The following CHN1 variants were observed in gnomAD, a reference collection of about 807,000 sequenced individuals.
CHN1 encodes the protein N-chimaerin.
In CHN1, 37 loss-of-function variants were observed where a neutral mutation model predicts 59.5. That is an observed-to-expected ratio of 0.62 (90% CI 0.48 to 0.82). The LOEUF (loss-of-function observed/expected upper bound fraction) is 0.82. CHN1 is among the 40% of genes least tolerant of loss of function. The probability of loss-of-function intolerance (pLI) is 0.00; values close to 1 mark genes in which losing one functional copy is unlikely to be tolerated. For synonymous variants in CHN1, 206 were observed against 200.4 expected, an observed-to-expected ratio of 1.03 and a Z score of -0.24; for missense variants, 469 against 571.0, an observed-to-expected ratio of 0.82 and a Z score of 1.82.
intron 7 of CHN1, among the ~76,000 whole-genome samples, chr2:174,842,603 TG>T (rs1343696801): frequency 1.3e-5 from 2 of 152,150 alleles, no homozygotes; most frequent in African/African-American, 4.8e-5. Flanking sequence ...GTGAACCAAA[TG>T]AAGACCAAAG....
Position 175,005,274 on chromosome 2 carries a change from G to A in CHN1, c.-362C>T. ...AGGCGGCGCCGCACTGGCGGCGGCGGCGGCGGCGACGGGGAGAGCAGCAGC... is the reference window on the plus strand; with the variant it reads ...AGGCGGCGCCGCACTGGCGGCGGCGACGGCGGCGACGGGGAGAGCAGCAGC... On this transcript the variant is annotated 5_prime_UTR_variant, in exon 1 of 13. Transcript: ENST00000409900. 8.6e-7 allele frequency: 1 copy of A among 1,169,310 alleles called. No individual in the cohort carries two copies. Among genetic ancestry groups the A allele is most frequent in the Non-Finnish European group, 1.1e-6 (1 of 942,220 alleles). 72.4% of individuals were successfully genotyped at this position (1,169,310 alleles called of 1,614,324 possible).
chr2:174,856,762 T>C (rs1402347232), intron 6 of CHN1, among the ~76,000 whole-genome samples: 1 of 152,164 alleles, frequency 6.6e-6, no homozygotes, highest in Non-Finnish European at 1.5e-5. Flanking sequence ...TCTCTATATT[T>C]TTAATAGAAA....
chr2:174,955,498 G>A (rs1291164212), intron 1 of CHN1, among the ~76,000 whole-genome samples: 3 of 151,830 alleles, frequency 2.0e-5, no homozygotes, highest in Admixed American at 6.6e-5. Flanking sequence ...AAGGATGGAC[G>A]GGGAGAGGAA....
chr2:174,855,598 G>C (rs1028406082), intron 6 of CHN1, among the ~76,000 whole-genome samples: 2 of 151,988 alleles, frequency 1.3e-5, no homozygotes, highest in African/African-American at 4.8e-5. Flanking sequence ...AGCCAAGAGT[G>C]GAATATATTC....
chr2:174,859,354 G>C (rs1687002280), intron 6 of CHN1, among the ~76,000 whole-genome samples: 1 of 152,168 alleles, frequency 6.6e-6, no homozygotes, highest in African/African-American at 2.4e-5. Context: ...AGTTTCAGGA[G>C]AACAGGCTTG....
intron 1 of CHN1, among the ~76,000 whole-genome samples, chr2:175,004,530 A>G (rs1691996814): frequency 6.6e-6 from 1 of 152,240 alleles, no homozygotes; most frequent in South Asian, 2.1e-4. Context: ...TTCAAAATAA[A>G]TAAACTTTCC....
At chr2:174,924,358 C>A (rs781317757) in intron 3 of CHN1, among the ~76,000 whole-genome samples, 5 of 152,194 alleles carry the variant, frequency 3.3e-5, no homozygotes, top group Non-Finnish European at 5.9e-5. Context: ...CCCTGCCAAG[C>A]CCAAATCCCT....
intron 3 of CHN1, among the ~76,000 whole-genome samples, chr2:174,921,512 T>C (rs1006555772): frequency 1.3e-5 from 2 of 152,142 alleles, no homozygotes; most frequent in African/African-American, 4.8e-5. Context: ...TTCATTTTCA[T>C]GTCTATAGGA....
At chr2:174,907,564 A>T (rs1158196050) in intron 5 of CHN1, among the ~76,000 whole-genome samples, 1 of 151,100 alleles carries the variant, frequency 6.6e-6, no homozygotes, top group Non-Finnish European at 1.5e-5. Context: ...TTGACCCAAC[A>T]TTGCAACTAA....
chr2:174,878,028 A>G lies in CHN1; in HGVS notation c.361T>C (p.Leu121=), dbSNP rs1301608361. The G allele has an allele frequency of 1.9e-6, 3 of 1,613,906 alleles. No individual in the cohort carries two copies. The highest frequency in any genetic ancestry group is 1.7e-6 in the Non-Finnish European group (2 of 1,179,812). Reference sequence around the variant, plus strand: ...TTGGTTTCAATATAGAGAGTAATCAAGCCATCAGTCACCAGATCGTGGATG... The same window carrying G: ...TTGGTTTCAATATAGAGAGTAATCAGGCCATCAGTCACCAGATCGTGGATG... ...ESIHDLVTDG[L]ITLYIETKAA... Residue 121 remains leucine (L), a synonymous_variant, in exon 6 of 13, where the codon TTG becomes CTG. Transcript: ENST00000409900.
intron 1 of CHN1, among the ~76,000 whole-genome samples, chr2:174,975,767 C>T (rs1186694720): frequency 6.6e-6 from 1 of 151,826 alleles, no homozygotes; most frequent in Non-Finnish European, 1.5e-5. Context: ...CAGGTTCATA[C>T]ATGACAGAAT....
chr2:174,939,046 G>A (rs1344613444), intron 3 of CHN1, among the ~76,000 whole-genome samples: 1 of 152,058 alleles, frequency 6.6e-6, no homozygotes, highest in East Asian at 1.9e-4. Flanking sequence ...TGCTTTTCTG[G>A]TTTTTCAATG....
At chr2:174,958,481 T>C (rs1690288307) in intron 1 of CHN1, among the ~76,000 whole-genome samples, 1 of 152,194 alleles carries the variant, frequency 6.6e-6, no homozygotes, top group African/African-American at 2.4e-5. Context: ...ACAGACCCTG[T>C]GCAAAGCTGC....
intron 3 of CHN1, among the ~76,000 whole-genome samples, chr2:174,938,183 T>G (rs941738076): frequency 2.6e-5 from 4 of 152,178 alleles, no homozygotes; most frequent in African/African-American, 7.2e-5. Flanking sequence ...GAACATCAAA[T>G]GGTACTTGAG....
At chr2:174,806,434 G>GA (rs1242481444) in intron 11 of CHN1, among the ~76,000 whole-genome samples, 1 of 152,032 alleles carries the variant, frequency 6.6e-6, no homozygotes, top group Non-Finnish European at 1.5e-5. Flanking sequence ...AGCTGAGAGA[G>GA]AAAAAAAATT....
chr2:174,918,478 CCTGT>C (rs368567956), intron 4 of CHN1, 52 bp downstream of exon 4: 10 of 1,314,536 alleles, frequency 7.6e-6, no homozygotes, highest in Admixed American at 2.5e-5. Flanking sequence ...ATCCATTTAC[CCTGT>C]CTGTCTTACA....
intron 1 of CHN1, among the ~76,000 whole-genome samples, chr2:174,952,611 A>G (rs915243386): frequency 1.3e-5 from 2 of 152,218 alleles, no homozygotes; most frequent in Non-Finnish European, 2.9e-5. Flanking sequence ...AATCACCGCA[A>G]AAGTTAAGTA....
At chr2:174,955,222 T>G (rs1285499918) in intron 1 of CHN1, among the ~76,000 whole-genome samples, 1 of 133,802 alleles carries the variant, frequency 7.5e-6, no homozygotes, top group African/African-American at 2.9e-5. Flanking sequence ...TATATATCTA[T>G]ATAGATATAG....
intron 6 of CHN1, among the ~76,000 whole-genome samples, chr2:174,874,098 G>A (rs1401849571): frequency 6.6e-6 from 1 of 152,130 alleles, no homozygotes; most frequent in Non-Finnish European, 1.5e-5. Context: ...ACAATTATGT[G>A]AGACATTTCG....
Sources: gnomAD v4.1 joint callset for allele counts (sites outside exome capture counted in the v4.1 genomes callset) on GRCh38, gnomAD v4.1.1 for gene constraint, MANE v1.5 for transcripts, NCBI Gene and HGNC (gene_info 2026-07-23, HGNC 2026-07-21) for gene names.